The following MYCBPAP variants were observed in gnomAD, a reference collection of about 807,000 sequenced individuals.
MYCBPAP encodes MYCBP associated protein, also known as MYCBP-associated protein.
A neutral mutation model predicts 106.1 loss-of-function variants in MYCBPAP; 60 were observed. The observed-to-expected ratio is 0.57, with a 90% CI of 0.46 to 0.70. MYCBPAP has a LOEUF of 0.70. MYCBPAP is among the 30% of genes least tolerant of loss of function. The probability of loss-of-function intolerance (pLI) is 0.00; values close to 1 mark genes in which losing one functional copy is unlikely to be tolerated. For missense variants in MYCBPAP, 1,064 were observed against 1,169.3 expected (o/e 0.91, Z 1.31); for synonymous variants, 407 against 440.6 (o/e 0.92, Z 0.95).
chr17:50,530,496 C>CTAAAAAAAAA (rs1567899333), intron 18 of MYCBPAP, among the ~76,000 whole-genome samples: 2 of 15,576 alleles, frequency 1.3e-4, no homozygotes, highest in African/African-American at 5.7e-4. Context: ...ACTCTTACCT[C>CTAAAAAAAAA]CAAAAAAAAA....
At chr17:50,518,236 G>T (rs752640243) in intron 4 of MYCBPAP, among the ~76,000 whole-genome samples, 5 of 152,360 alleles carry the variant, frequency 3.3e-5, no homozygotes, top group East Asian at 1.9e-4. Context: ...GGCCCTGTAA[G>T]AATGCTTCCA....
intron 2 of MYCBPAP, 95 bp from the exon 3 acceptor site, chr17:50,517,198 C>A: frequency 8.4e-7 from 1 of 1,185,504 alleles, no homozygotes; most frequent in Non-Finnish European, 1.2e-6. Context: ...TGTCAGCCTT[C>A]AGGAACTCCA....
At chr17:50,520,589 T>A (rs900738484) in intron 7 of MYCBPAP, among the ~76,000 whole-genome samples, 1 of 152,242 alleles carries the variant, frequency 6.6e-6, no homozygotes, top group Non-Finnish European at 1.5e-5. Flanking sequence ...TTTTCCTTTT[T>A]CAGTGTGGCA....
intron 12 of MYCBPAP, 50 bp downstream of exon 12, chr17:50,523,834 G>T (rs79912286): frequency 1.3e-6 from 2 of 1,550,296 alleles, no homozygotes; most frequent in Non-Finnish European, 1.8e-6. Flanking sequence ...AGGGTATCCT[G>T]GTGTTCTTCC....
chr17:50,519,648 G>A lies in MYCBPAP; in HGVS notation c.777G>A (p.Glu259=). 6.2e-7 allele frequency: 1 copy of A among 1,614,102 alleles called. No homozygotes were observed. Among genetic ancestry groups the A allele is most frequent in the Non-Finnish European group, 8.5e-7 (1 of 1,180,020 alleles). Residue 259 remains glutamate, a synonymous_variant, in exon 7 of 19, where the codon GAG becomes GAA. Coordinates refer to ENST00000323776, the MANE Select transcript of MYCBPAP (RefSeq NM_032133.6). The stretch of plus-strand genomic sequence containing the variant: ...CTTTCCTTCCTTGCCAGAGCTGGGA[G>A]AACAGTGGGTTCTGGAGTCGACTGG... ...LPTRRDRKSW[E]NSGFWSRLEY... is the part of the protein sequence containing the mutation.
At position 50,527,541 on chromosome 17, in the gene MYCBPAP, C is replaced by T. The variant is rs1436065946; in HGVS notation, c.2291+133C>T. On this transcript the variant is annotated intron_variant, in intron 15 of 18. Transcript: ENST00000323776. The stretch of plus-strand genomic sequence containing the variant: ...TCAGGTTGCTAGAGCATGCCGCAAA[C>T]ATTCCACGTTCTGGAACCCTGCAGT... The T allele has an allele frequency of 5.9e-6, 7 of 1,195,100 alleles. No individual in the cohort carries two copies. The African/African-American group carries it at 1.1e-4, about 18-fold the overall frequency. The allele number at this position is 1,195,100 out of a possible 1,614,324, so 74.0% of individuals were successfully genotyped here.
At chr17:50,520,928 T>C in intron 7 of MYCBPAP, 182 bp from the exon 8 acceptor site, 1 of 573,362 alleles carries the variant, frequency 1.7e-6, no homozygotes, top group Non-Finnish European at 3.1e-6. Context: ...TCAGGAGTCT[T>C]GTGTAGGGCT....
Position 50,529,139 on chromosome 17 carries a change from C to T in MYCBPAP, c.2675C>T (p.Pro892Leu). The change falls in exon 18 of 19, where the codon CCC becomes CTC. Residue 892 changes from proline (P) to leucine (L), a missense_variant. Pro to Leu is a moderately conservative substitution (Grantham distance 98). Coordinates refer to ENST00000323776, the MANE Select transcript of MYCBPAP (RefSeq NM_032133.6). ...GACATCATCCTCTCTTCTCAAGAAC[C>T]CATAGACCCCCTGGTCATGGGGAAA... Reference protein sequence around the residue: ...TPDIILSSQEPIDPLVMGKYT... With the variant: ...TPDIILSSQELIDPLVMGKYT... 1 of 1,613,774 alleles carries T rather than the reference C, an allele frequency of 6.2e-7. No individual in the cohort carries two copies. Among genetic ancestry groups the T allele is most frequent in the South Asian group, 1.1e-5 (1 of 91,058 alleles).
rs778558821 is a variant in MYCBPAP at position 50,527,306 on chromosome 17, A to G, written c.2189A>G (p.Asp730Gly). The change falls in exon 15 of 19, where the codon GAT becomes GGT. Residue 730 changes from aspartate (D) to glycine (G), a missense_variant. By Grantham distance (94) the Asp-to-Gly change is moderately conservative. Transcript: ENST00000323776. ...TGCCAGGCAGTGATGGTGCTCCCTGATGAGAACCACAGAGAGGATGCGTTG... is the reference window on the plus strand; with the variant it reads ...TGCCAGGCAGTGATGGTGCTCCCTGGTGAGAACCACAGAGAGGATGCGTTG... ...DFRKAVMVLP[D>G]ENHREDALMR... The G allele has an allele frequency of 1.2e-6, 2 of 1,614,076 alleles. No homozygotes were observed. Among genetic ancestry groups the G allele is most frequent in the Non-Finnish European group, 1.7e-6 (2 of 1,179,994 alleles).
chr17:50,524,733 TGTGTGA>T, intron 12 of MYCBPAP, 138 bp from the exon 13 acceptor site: 5 of 288,226 alleles, frequency 1.7e-5, no homozygotes, highest in South Asian at 5.8e-5. Context: ...TGTGTGTGTG[TGTGTGA>T]GAGAGAGAGA....
Position 50,517,471 on chromosome 17 carries a change from C to G in MYCBPAP, c.364+19C>G. The G allele has an allele frequency of 6.2e-7, 1 of 1,614,212 alleles. No homozygotes were observed. On this transcript the variant is annotated intron_variant, in intron 3 of 18. Coordinates refer to ENST00000323776, the MANE Select transcript of MYCBPAP (RefSeq NM_032133.6). ...TACTCCGGTACACCCAGTCTCAGCC[C>G]TGGCTTCACTGTCTTTCAACTCATG...
At chr17:50,529,654 A>G (rs1206629657) in intron 18 of MYCBPAP, 1 of 427,294 alleles carries the variant, frequency 2.3e-6, no homozygotes, top group African/African-American at 2.0e-5. Context: ...TTTGAATAGA[A>G]ACGCAATAGG....
chr17:50,521,132 T>G lies in MYCBPAP; in HGVS notation c.939T>G (p.Ala313=), dbSNP rs1386819855. 1 of 1,613,092 alleles carries G rather than the reference T, an allele frequency of 6.2e-7. No homozygotes were observed. The change falls in exon 8 of 19, where the codon GCT becomes GCG. Residue 313 remains alanine, a synonymous_variant. Coordinates refer to ENST00000323776, the MANE Select transcript of MYCBPAP (RefSeq NM_032133.6). The part of the protein sequence containing the change: ...VETGLPAQRD[A]SYRYTWDRSL... ...TAGGATTACCAGCCCAGAGGGACGC[T>G]TCATACCGCTACACCTGGGATCGGA...
chr17:50,522,251 A>C, intron 10 of MYCBPAP, 170 bp downstream of exon 10: 1 of 545,524 alleles, frequency 1.8e-6, no homozygotes, highest in Non-Finnish European at 3.3e-6. Context: ...GCAAGAATAA[A>C]ATCACAAGGC....
chr17:50,515,726 C>G (rs1002906258), intron 1 of MYCBPAP: 3 of 152,236 alleles, frequency 2.0e-5, no homozygotes, highest in African/African-American at 4.8e-5. Flanking sequence ...GTCCAACTGA[C>G]TCTTTCTACA....
chr17:50,507,975 C>T (rs1412813879), upstream of MYCBPAP, among the ~76,000 whole-genome samples: 1 of 152,200 alleles, frequency 6.6e-6, no homozygotes, highest in Non-Finnish European at 1.5e-5. Flanking sequence ...CAAGTCAGGG[C>T]AAAAGTTTTG....
chr17:50,509,774 G>A (rs1381997278), intron 1 of MYCBPAP: 1 of 152,452 alleles, frequency 6.6e-6, no homozygotes, highest in African/African-American at 2.4e-5. Context: ...GTGTGACCCT[G>A]GTCCTCAAGA....
chr17:50,522,462 A>ACCAC, intron 10 of MYCBPAP: 2 of 169,742 alleles, frequency 1.2e-5, no homozygotes, highest in Admixed American at 5.6e-5. Context: ...TGGGAGGCTG[A>ACCAC]CGTGGGTGGA....
At chr17:50,516,748 C>T (rs1013313979) in intron 2 of MYCBPAP, 51 bp downstream of exon 2, 46 of 1,607,832 alleles carry the variant, frequency 2.9e-5, no homozygotes, top group Non-Finnish European at 3.6e-5. Flanking sequence ...TCCCTGCCGG[C>T]AGCCTGAGTG....
Sources: gnomAD v4.1 joint callset for allele counts (sites outside exome capture counted in the v4.1 genomes callset) on GRCh38, gnomAD v4.1.1 for gene constraint, MANE v1.5 for transcripts, NCBI Gene and HGNC (gene_info 2026-07-23, HGNC 2026-07-21) for gene names.